Variants in RNF38 observed in about 807,000 individuals in gnomAD.
RNF38 encodes the protein ring finger protein 38, also known as E3 ubiquitin-protein ligase RNF38.
Under a neutral mutation model 67.2 loss-of-function variants are expected in RNF38, and 15 were observed. The ratio of observed to expected loss-of-function variants is 0.22; its 90% CI spans 0.15 to 0.34. The LOEUF (loss-of-function observed/expected upper bound fraction) is 0.34, where lower values mean the gene tolerates loss of function less well. RNF38 is among the 10% of genes least tolerant of loss of function. The pLI is 1.00. For missense variants in RNF38, 524 were observed against 639.9 expected (o/e 0.82, Z 1.95); for synonymous variants, 220 against 218.8 (o/e 1.01, Z -0.05).
chr9:36,439,587 T>C (rs545314995), intron 1 of RNF38, among the ~76,000 whole-genome samples: 2 of 152,116 alleles, frequency 1.3e-5, no homozygotes, highest in Non-Finnish European at 2.9e-5. Context: ...GGAGGATCAC[T>C]AGAGGTCAGG....
intron 2 of RNF38, among the ~76,000 whole-genome samples, chr9:36,382,211 A>G (rs1369830235): frequency 1.3e-5 from 2 of 152,264 alleles, no homozygotes; most frequent in Admixed American, 6.5e-5. Flanking sequence ...CAAATCTGGT[A>G]CAAGTACTGT....
chr9:36,352,186 G>C (rs966409313), intron 8 of RNF38, among the ~76,000 whole-genome samples: 1 of 152,012 alleles, frequency 6.6e-6, no homozygotes, highest in African/African-American at 2.4e-5. Context: ...TGTAATCCCA[G>C]CTACTTGGGA....
At chr9:36,339,898 C>T (rs1295238818) in intron 11 of RNF38, 84 bp from the exon 12 acceptor site, 2 of 1,171,458 alleles carry the variant, frequency 1.7e-6, no homozygotes, top group Non-Finnish European at 1.2e-6. Context: ...TTTTACTTCC[C>T]ACAGTTTTTA....
At chr9:36,427,139 C>T (rs1266220620) in intron 1 of RNF38, among the ~76,000 whole-genome samples, 1 of 152,172 alleles carries the variant, frequency 6.6e-6, no homozygotes, top group Non-Finnish European at 1.5e-5. Context: ...ATAATAGGCT[C>T]CCTAATTTAT....
At chr9:36,386,744 C>A in intron 2 of RNF38, among the ~76,000 whole-genome samples, 1 of 152,186 alleles carries the variant, frequency 6.6e-6, no homozygotes, top group East Asian at 1.9e-4. Flanking sequence ...CTGCTACACT[C>A]CCACCAGCAC....
At chr9:36,360,005 A>G (rs1474951978) in intron 4 of RNF38, among the ~76,000 whole-genome samples, 1 of 151,966 alleles carries the variant, frequency 6.6e-6, no homozygotes, top group Admixed American at 6.6e-5. Flanking sequence ...TCAGCCTCCC[A>G]AAGTGTTAGG....
chr9:36,347,531 T>C (rs1014619825), intron 9 of RNF38, among the ~76,000 whole-genome samples: 2 of 152,248 alleles, frequency 1.3e-5, no homozygotes, highest in Non-Finnish European at 2.9e-5. Flanking sequence ...TCTCTGATCT[T>C]TGACGTTACT....
At chr9:36,425,585 T>C (rs771278142) in intron 1 of RNF38, among the ~76,000 whole-genome samples, 2 of 151,556 alleles carry the variant, frequency 1.3e-5, no homozygotes, top group African/African-American at 2.4e-5. Context: ...TCCCAGCTAA[T>C]AGGGAGGCTG....
chr9:36,379,736 C>A (rs748320281), intron 2 of RNF38, among the ~76,000 whole-genome samples: 14 of 152,104 alleles, frequency 9.2e-5, no homozygotes, highest in Non-Finnish European at 1.8e-4. Flanking sequence ...AACAAGAAGT[C>A]AGAGGGCTCC....
intron 1 of RNF38, among the ~76,000 whole-genome samples, chr9:36,482,641 C>T (rs138765568): frequency 0.015 from 2,357 of 152,332 alleles, 34 homozygotes; most frequent in Non-Finnish European, 0.022. Context: ...GCGTGAGCCA[C>T]TGCGCCAGGC....
chr9:36,375,447 T>A (rs1208182086), intron 3 of RNF38, among the ~76,000 whole-genome samples: 1 of 152,176 alleles, frequency 6.6e-6, no homozygotes, highest in African/African-American at 2.4e-5. Context: ...CCACTTTGGC[T>A]TCCCAAAATG....
rs1564015668 is a variant in RNF38 at position 36,369,760 on chromosome 9, G to C, written c.529C>G (p.Pro177Ala). ...SPRLLHPAAH[P>A]PQQNAVMVDI... ...ACCATGACTGCATTCTGCTGGGGTG[G>C]ATGAGCAGCAGGATGTAGCAGACGG... is the stretch of plus-strand genomic sequence containing the variant. Residue 177 changes from proline (P) to alanine (A), a missense_variant, in exon 4 of 12, where the codon CCA (proline) becomes GCA (alanine). Physicochemically the swap from Pro to Ala is conservative, Grantham distance 27. This residue lies in a region of RNF38 where 461 missense variants were observed against 517.4 expected (regional missense o/e 0.89). Transcript: ENST00000259605. 6.2e-7 allele frequency: 1 copy of C among 1,614,024 alleles called. No homozygotes were observed. Among genetic ancestry groups the C allele is most frequent in the South Asian group, 1.1e-5 (1 of 91,070 alleles).
chr9:36,449,499 G>T (rs986348202), intron 1 of RNF38, among the ~76,000 whole-genome samples: 3 of 151,782 alleles, frequency 2.0e-5, no homozygotes, highest in African/African-American at 7.3e-5. Flanking sequence ...GCAGTGGCGC[G>T]ATCTCGGTTC....
At chr9:36,457,988 A>G (rs1839633396) in intron 1 of RNF38, among the ~76,000 whole-genome samples, 1 of 152,254 alleles carries the variant, frequency 6.6e-6, no homozygotes, top group South Asian at 2.1e-4. Flanking sequence ...GAGAACCATC[A>G]TGCCAAAAAG....
At chr9:36,345,001 A>G (rs982015747) in intron 9 of RNF38, 48 bp from the exon 10 acceptor site, 18 of 1,574,908 alleles carry the variant, frequency 1.1e-5, no homozygotes, top group Non-Finnish European at 1.6e-5. Flanking sequence ...TACATTTTGC[A>G]TTCCAATACT....
intron 4 of RNF38, among the ~76,000 whole-genome samples, chr9:36,363,873 ATTTT>A (rs558655028): frequency 2.6e-5 from 2 of 76,300 alleles, no homozygotes; most frequent in African/African-American, 3.9e-5. Context: ...TTATATGCAG[ATTTT>A]TTTTTTTTTT....
At position 36,356,321 on chromosome 9, in the gene RNF38, T is replaced by C; in HGVS notation, c.891A>G (p.Gln297=). ...LPPPGQFVPF[Q]TQQSRSPLQR... ...TACCTACCGATCGTGATTGCTGTGT[T>C]TGGAAAGGGACAAACTGGCCTGGTG... is the stretch of plus-strand genomic sequence containing the variant. The change falls in exon 6 of 12, where the codon CAA becomes CAG. Residue 297 remains glutamine (Q), a synonymous_variant. Coordinates refer to ENST00000259605, the MANE Select transcript of RNF38 (RefSeq NM_022781.5). 6.2e-7 allele frequency: 1 copy of C among 1,613,990 alleles called. No individual in the cohort carries two copies. The highest frequency in any genetic ancestry group is 1.1e-5 in the South Asian group (1 of 91,082).
intron 1 of RNF38, among the ~76,000 whole-genome samples, chr9:36,471,506 A>T (rs2070765684): frequency 6.6e-6 from 1 of 152,172 alleles, no homozygotes; most frequent in Admixed American, 6.5e-5. Context: ...AACTTCTCCA[A>T]CACAGTTCCA....
intron 4 of RNF38, among the ~76,000 whole-genome samples, chr9:36,367,999 C>G (rs1405874240): frequency 3.9e-5 from 6 of 152,062 alleles, no homozygotes; most frequent in Admixed American, 3.9e-4. Flanking sequence ...TTACAGGTGC[C>G]TGCCATCACG....
Sources: allele counts gnomAD v4.1 joint callset (sites outside exome capture counted in the v4.1 genomes callset), GRCh38; gene constraint gnomAD v4.1.1; regional missense constraint gnomAD v4.1.1; transcripts MANE v1.5; gene names NCBI Gene and HGNC (gene_info 2026-07-23, HGNC 2026-07-21).